The following RSPO3 variants were observed in gnomAD, a reference collection of about 807,000 sequenced individuals.
RSPO3 encodes R-spondin-3.
A neutral mutation model predicts 36.5 loss-of-function variants in RSPO3; 17 were observed. The ratio of observed to expected loss-of-function variants is 0.47; its 90% CI spans 0.32 to 0.70. The LOEUF (loss-of-function observed/expected upper bound fraction) is 0.70, where lower values mean the gene tolerates loss of function less well. Ranked by LOEUF, RSPO3 falls within the 30% of genes least tolerant of loss-of-function variation. The pLI is 0.04. For missense variants in RSPO3, 294 were observed against 322.5 expected (o/e 0.91, Z 0.68); for synonymous variants, 108 against 107.0 (o/e 1.01, Z -0.06).
At chr6:127,136,608 C>T (rs1273398009) in intron 1 of RSPO3, among the ~76,000 whole-genome samples, 1 of 152,146 alleles carries the variant, frequency 6.6e-6, no homozygotes, top group East Asian at 1.9e-4. Context: ...ATGGGCAGAA[C>T]AGGTGTTATC....
At chr6:127,133,172 C>T (rs1774090205) in intron 1 of RSPO3, among the ~76,000 whole-genome samples, 1 of 151,974 alleles carries the variant, frequency 6.6e-6, no homozygotes, top group East Asian at 1.9e-4. Flanking sequence ...GAACTTTACT[C>T]CTTTTTGTTT....
chr6:127,128,533 C>A (rs1157842685), intron 1 of RSPO3, among the ~76,000 whole-genome samples: 5 of 152,082 alleles, frequency 3.3e-5, no homozygotes, highest in African/African-American at 1.2e-4. Context: ...ATGACTATTG[C>A]AGCTAAGCAA....
rs1012400306 is a variant in RSPO3, at chr6:127,199,277, T to A, written c.*3270T>A. ...GAATTAAAAGGTTCTTCATTCAATA[T>A]AATAATAAATATTTTGTATATAAAT... On this transcript the variant is annotated 3_prime_UTR_variant, in exon 5 of 5. Coordinates refer to ENST00000356698, the MANE Select transcript of RSPO3 (RefSeq NM_032784.5). 1.3e-5 allele frequency among the ~76,000 whole-genome samples: 2 copies of A among 152,154 alleles called. No individual in the cohort carries two copies. The highest frequency in any genetic ancestry group is 2.9e-5 in the Non-Finnish European group (2 of 68,014).
chr6:127,141,894 T>G (rs1453137346), intron 1 of RSPO3, among the ~76,000 whole-genome samples: 1 of 152,148 alleles, frequency 6.6e-6, no homozygotes, highest in Non-Finnish European at 1.5e-5. Context: ...TGTGTGTGTA[T>G]CCATATACAC....
chr6:127,142,320 A>G lies in RSPO3; in HGVS notation c.98-6328A>G, dbSNP rs375525156. Among the ~76,000 whole-genome samples the G allele has an allele frequency of 3.8e-4, 58 of 152,318 alleles. No individual in the cohort carries two copies. In the South Asian group the frequency reaches 9.3e-3, roughly 24 times the overall value. ...GCAAGCTTTAACACATGAACAAATG[A>G]GAAACACTGACTCTGAATATTTTCT... On this transcript the variant is annotated intron_variant, in intron 1 of 4. Transcript: ENST00000356698.
At chr6:127,176,660 A>G (rs557455516) in intron 4 of RSPO3, among the ~76,000 whole-genome samples, 15 of 151,914 alleles carry the variant, frequency 9.9e-5, no homozygotes, top group Admixed American at 4.6e-4. Context: ...GTAATTTAGG[A>G]TGAATGTATA....
chr6:127,140,732 G>A (rs1279173745), intron 1 of RSPO3, among the ~76,000 whole-genome samples: 1 of 152,194 alleles, frequency 6.6e-6, no homozygotes, highest in East Asian at 1.9e-4. Flanking sequence ...CTCAAGGGAT[G>A]GGAGGATCTG....
At chr6:127,127,559 C>T (rs1435574783) in intron 1 of RSPO3, among the ~76,000 whole-genome samples, 3 of 152,020 alleles carry the variant, frequency 2.0e-5, no homozygotes, top group Non-Finnish European at 4.4e-5. Context: ...AGACCCTTTG[C>T]TTGATGCTTT....
At chr6:127,123,690 A>G (rs1196141901) in intron 1 of RSPO3, among the ~76,000 whole-genome samples, 1 of 152,122 alleles carries the variant, frequency 6.6e-6, no homozygotes, top group African/African-American at 2.4e-5. Context: ...ATGAGAATGT[A>G]AGAATGAGTA....
chr6:127,157,532 CTG>C (rs1379131019), intron 4 of RSPO3, among the ~76,000 whole-genome samples: 1 of 151,938 alleles, frequency 6.6e-6, no homozygotes, highest in Admixed American at 6.6e-5. Flanking sequence ...AAATAGTAAC[CTG>C]TGACATAAGA....
intron 4 of RSPO3, chr6:127,192,712 T>G (rs1434657195): frequency 1.0e-6 from 1 of 983,542 alleles, no homozygotes; most frequent in East Asian, 1.1e-4. Context: ...TTCAGGCAGG[T>G]ACGTGCGTGT....
chr6:127,183,521 T>G (rs888454514), intron 4 of RSPO3, among the ~76,000 whole-genome samples: 1 of 152,104 alleles, frequency 6.6e-6, no homozygotes, highest in Admixed American at 6.6e-5. Context: ...CACCAAAGCA[T>G]CTCTGTCTAT....
At chr6:127,150,400 A>G (rs1399493530) in intron 2 of RSPO3, 26 bp from the exon 3 acceptor site, 1 of 1,601,062 alleles carries the variant, frequency 6.2e-7, no homozygotes, top group Non-Finnish European at 8.5e-7. Context: ...TAATGCAAGC[A>G]TATTTCTTTC....
intron 4 of RSPO3, among the ~76,000 whole-genome samples, chr6:127,168,611 C>A (rs1192674712): frequency 6.6e-6 from 1 of 152,028 alleles, no homozygotes; most frequent in Non-Finnish European, 1.5e-5. Flanking sequence ...AATTAGATCC[C>A]ATTTGTCAAT....
intron 4 of RSPO3, among the ~76,000 whole-genome samples, chr6:127,173,556 A>G (rs1774986078): frequency 6.6e-6 from 1 of 151,860 alleles, no homozygotes; most frequent in South Asian, 2.1e-4. Flanking sequence ...AAAAAAATGT[A>G]TTTCAAAGGC....
intron 4 of RSPO3, among the ~76,000 whole-genome samples, chr6:127,177,152 C>T (rs1459475301): frequency 6.6e-6 from 1 of 151,850 alleles, no homozygotes; most frequent in Non-Finnish European, 1.5e-5. Context: ...ATATTTTGCT[C>T]ATTCCTTGGG....
chr6:127,173,815 T>C (rs1157456779), intron 4 of RSPO3, among the ~76,000 whole-genome samples: 1 of 151,882 alleles, frequency 6.6e-6, no homozygotes, highest in Non-Finnish European at 1.5e-5. Flanking sequence ...TCCCAATTGC[T>C]GTAGACATCT....
At chr6:127,136,908 C>T (rs978239043) in intron 1 of RSPO3, among the ~76,000 whole-genome samples, 6 of 152,210 alleles carry the variant, frequency 3.9e-5, no homozygotes, top group Middle Eastern at 3.4e-3. Context: ...AGATCTTTAA[C>T]GTCCTGTCCC....
intron 4 of RSPO3, among the ~76,000 whole-genome samples, chr6:127,172,330 A>T (rs1264546030): frequency 2.0e-5 from 3 of 151,586 alleles, no homozygotes; most frequent in Non-Finnish European, 3.0e-5. Flanking sequence ...ATTAAAAAAA[A>T]TATCCAAATG....
Sources: allele counts gnomAD v4.1 joint callset (sites outside exome capture counted in the v4.1 genomes callset), GRCh38; gene constraint gnomAD v4.1.1; transcripts MANE v1.5; gene names NCBI Gene and HGNC (gene_info 2026-07-23, HGNC 2026-07-21).